Variants in UBR2 observed in about 807,000 individuals in gnomAD.
UBR2 encodes E3 ubiquitin-protein ligase UBR2.
In UBR2, 92 loss-of-function variants were observed where a neutral mutation model predicts 247.9. The observed-to-expected ratio is 0.37, with a 90% CI of 0.31 to 0.44. The LOEUF (loss-of-function observed/expected upper bound fraction) is 0.44. Among genes scored for constraint, UBR2 ranks in the 20% least tolerant of loss-of-function variants. The pLI is 1.00. For synonymous variants in UBR2, 672 were observed against 693.5 expected, an observed-to-expected ratio of 0.97 and a Z score of 0.49; for missense variants, 1,613 against 2,112.6, an observed-to-expected ratio of 0.76 and a Z score of 4.64.
chr6:42,576,445 C>T (rs1412572277), intron 2 of UBR2, among the ~76,000 whole-genome samples: 4 of 151,866 alleles, frequency 2.6e-5, no homozygotes, highest in Non-Finnish European at 5.9e-5. Context: ...CTGCTGCTGC[C>T]CAACTCTCTG....
chr6:42,615,962 G>A (rs1794515630), intron 9 of UBR2, 40 bp from the exon 10 acceptor site: 1 of 1,362,934 alleles, frequency 7.3e-7, no homozygotes, highest in African/African-American at 1.5e-5. Context: ...TGTAATTGTT[G>A]GGCGTGTCCT....
chr6:42,642,398 A>G lies in UBR2; in HGVS notation c.2032-18A>G. The G allele has an allele frequency of 3.2e-6, 5 of 1,550,574 alleles. No homozygotes were observed. Among genetic ancestry groups the G allele is most frequent in the Non-Finnish European group, 2.6e-6 (3 of 1,133,946 alleles). ...CCAATAAAAACTATTTACTCAATAT[A>G]ATTACTTTTTTTTTTAGATTTATTA... On this transcript the variant is annotated intron_variant, in intron 17 of 46. Coordinates refer to ENST00000372901, the MANE Select transcript of UBR2 (RefSeq NM_001363705.2).
At chr6:42,573,655 C>A in intron 1 of UBR2, 79 bp from the exon 2 acceptor site, 4 of 1,375,304 alleles carry the variant, frequency 2.9e-6, no homozygotes, top group South Asian at 1.9e-5. Flanking sequence ...ATTTTTGTAC[C>A]TAAAAGAAAG....
intron 11 of UBR2, among the ~76,000 whole-genome samples, chr6:42,622,283 T>G (rs1795037573): frequency 1.3e-5 from 2 of 152,224 alleles, no homozygotes; most frequent in Middle Eastern, 3.4e-3. Context: ...CGTCCCAAAG[T>G]GCTGGGATTA....
chr6:42,665,506 ACT>A lies in UBR2; in HGVS notation c.3798_3799del (p.Pro1267Ter). 1 of 1,606,602 alleles carries A rather than the reference ACT, an allele frequency of 6.2e-7. No homozygotes were observed. Among genetic ancestry groups the A allele is most frequent in the African/African-American group, 1.3e-5 (1 of 74,848 alleles). ...ALQFLRKEESTPNNASTKNSE... is the reference protein window; with the variant it reads ...ALQFLRKEESXPNNASTKNSE... The stretch of plus-strand genomic sequence containing the variant: ...ACAGTTTCTTAGGAAAGAAGAAAGT[ACT>A]CCTAGTAAGTTCTGGTAACCTGTTT... On this transcript the variant is annotated frameshift_variant, in exon 33 of 47. Coordinates refer to ENST00000372901, the MANE Select transcript of UBR2 (RefSeq NM_001363705.2). LOFTEE classifies it high-confidence loss of function.
At chr6:42,566,287 A>G (rs1790772988) in intron 1 of UBR2, among the ~76,000 whole-genome samples, 1 of 152,192 alleles carries the variant, frequency 6.6e-6, no homozygotes, top group Non-Finnish European at 1.5e-5. Context: ...AAGCAGATGC[A>G]GTAAGGAAAA....
chr6:42,612,350 C>G (rs1165712172), intron 8 of UBR2, 59 bp downstream of exon 8: 9 of 1,400,652 alleles, frequency 6.4e-6, no homozygotes, highest in African/African-American at 1.4e-5. Context: ...TATGCTGTTG[C>G]AAAACTGTTT....
intron 1 of UBR2, among the ~76,000 whole-genome samples, chr6:42,568,014 T>G (rs1404347727): frequency 6.6e-6 from 1 of 152,222 alleles, no homozygotes; most frequent in Non-Finnish European, 1.5e-5. Flanking sequence ...GCCACTGTAC[T>G]CCATCTTGGG....
intron 1 of UBR2, among the ~76,000 whole-genome samples, chr6:42,570,006 TG>T (rs1562271556): frequency 6.6e-6 from 1 of 152,182 alleles, no homozygotes; most frequent in African/African-American, 2.4e-5. Context: ...CCAACCAAAC[TG>T]GAAATCTTAA....
intron 21 of UBR2, among the ~76,000 whole-genome samples, chr6:42,647,900 T>G (rs1406667513): frequency 6.6e-6 from 1 of 152,218 alleles, no homozygotes; most frequent in Non-Finnish European, 1.5e-5. Context: ...TTTATGTATT[T>G]AAAAATAATA....
chr6:42,648,286 A>G (rs1170776703), intron 22 of UBR2, 116 bp downstream of exon 22: 1 of 832,120 alleles, frequency 1.2e-6, no homozygotes, highest in African/African-American at 1.7e-5. Flanking sequence ...AGAGATTGAC[A>G]GACATTTTCA....
Position 42,676,842 on chromosome 6 carries a change from T to G in UBR2, c.4447T>G (p.Leu1483Val). The G allele has an allele frequency of 6.2e-7, 1 of 1,614,002 alleles. No homozygotes were observed. Among genetic ancestry groups the G allele is most frequent in the Non-Finnish European group, 8.5e-7 (1 of 1,179,958 alleles). The part of the protein sequence containing the change: ...PCEEESAVLA[L>V]YKTLHQYTGS... ...TGAAGAAGAATCAGCAGTTCTTGCT[T>G]TGTATAAAACACTTCACCAGTATAC... is the stretch of plus-strand genomic sequence containing the variant. The change falls in exon 40 of 47, where the codon TTG becomes GTG. Residue 1483 changes from leucine (L) to valine (V), a missense_variant. By Grantham distance (32) the Leu-to-Val change is conservative (BLOSUM62 1). Around this residue, in one of 3 missense-constraint regions of UBR2, gnomAD observed 1,524 missense variants for 1,967.3 expected, o/e 0.77. Transcript: ENST00000372901.
Position 42,655,644 on chromosome 6 carries a change from A to G in UBR2, c.2793A>G (p.Ala931=). 1 of 1,557,642 alleles carries G rather than the reference A, an allele frequency of 6.4e-7. No individual in the cohort carries two copies. Residue 931 remains alanine (A), a synonymous_variant, in exon 26 of 47, where the codon GCA becomes GCG. Transcript: ENST00000372901. Reference sequence around the variant, plus strand: ...AGGTGTTACATTTAATTGGCATGGCACTACAAGAAGAAAAACAACATTTAG... The same window carrying G: ...AGGTGTTACATTTAATTGGCATGGCGCTACAAGAAGAAAAACAACATTTAG... The part of the protein sequence containing the change: ...LQRVLHLIGM[A]LQEEKQHLEN...
At chr6:42,584,096 C>T (rs563127144) in intron 2 of UBR2, among the ~76,000 whole-genome samples, 2 of 150,666 alleles carry the variant, frequency 1.3e-5, no homozygotes, top group South Asian at 2.1e-4. Flanking sequence ...CTACTGGGTT[C>T]GAGCAATTCT....
chr6:42,673,931 C>T, intron 37 of UBR2, 44 bp downstream of exon 37: 1 of 1,538,756 alleles, frequency 6.5e-7, no homozygotes, highest in Non-Finnish European at 8.9e-7. Flanking sequence ...TTTTCATCCT[C>T]TGAAATTTTG....
intron 21 of UBR2, 64 bp downstream of exon 21, chr6:42,645,654 C>G: frequency 6.5e-7 from 1 of 1,534,526 alleles, no homozygotes; most frequent in Non-Finnish European, 8.9e-7. Flanking sequence ...AGTCTAGTAT[C>G]TATAGATTTA....
chr6:42,678,459 C>T (rs1363542865), intron 40 of UBR2, 80 bp from the exon 41 acceptor site: 2 of 1,454,730 alleles, frequency 1.4e-6, no homozygotes, highest in Non-Finnish European at 1.8e-6. Flanking sequence ...TTCCAAATGA[C>T]AGTCAAGTCT....
chr6:42,675,507 C>A (rs189844406), intron 38 of UBR2, among the ~76,000 whole-genome samples: 61 of 152,182 alleles, frequency 4.0e-4, no homozygotes, highest in Middle Eastern at 3.4e-3. Context: ...GTATAGAGGA[C>A]CCACTGGATT....
chr6:42,655,736 C>CT lies in UBR2; in HGVS notation c.2872+18dup. 1 of 1,424,188 alleles carries CT rather than the reference C, an allele frequency of 7.0e-7. No homozygotes were observed. Among genetic ancestry groups the CT allele is most frequent in the Non-Finnish European group, 9.4e-7 (1 of 1,059,574 alleles). The allele number at this position is 1,424,188 out of a possible 1,614,324, so 88.2% of individuals were successfully genotyped here. On this transcript the variant is annotated intron_variant, in intron 26 of 46. Transcript: ENST00000372901. Reference sequence around the variant, plus strand: ...CAGAAGATATCAAGTATGTATATATCTTTTTACTAAACTAACTCAAGATAT... The same window carrying CT: ...CAGAAGATATCAAGTATGTATATATCTTTTTTACTAAACTAACTCAAGATAT...
Sources: allele counts gnomAD v4.1 joint callset (sites outside exome capture counted in the v4.1 genomes callset), GRCh38; gene constraint gnomAD v4.1.1; regional missense constraint gnomAD v4.1.1; transcripts MANE v1.5; gene names NCBI Gene and HGNC (gene_info 2026-07-23, HGNC 2026-07-21).